RBMS3: variants seen among roughly 807,000 people sequenced by gnomAD.
The protein encoded by RBMS3 is RNA binding motif single stranded interacting protein 3, also known as RNA-binding motif, single-stranded-interacting protein 3.
A neutral mutation model predicts 66.8 loss-of-function variants in RBMS3; 27 were observed. The ratio of observed to expected loss-of-function variants is 0.40; its 90% CI spans 0.30 to 0.56. RBMS3 has a LOEUF of 0.56. RBMS3 is among the 20% of genes least tolerant of loss of function. RBMS3 has a pLI of 0.40. For synonymous variants in RBMS3, 188 were observed against 183.0 expected (o/e 1.03, Z -0.22); for missense variants, 513 against 549.5 (o/e 0.93, Z 0.66).
intron 10 of RBMS3, among the ~76,000 whole-genome samples, chr3:29,921,804 G>T (rs2060787438): frequency 6.6e-6 from 1 of 152,154 alleles, no homozygotes; most frequent in Non-Finnish European, 1.5e-5. Flanking sequence ...GTGTCTACAA[G>T]CCTTCATCAT....
chr3:29,530,676 A>G (rs970383041), intron 3 of RBMS3, among the ~76,000 whole-genome samples: 2 of 149,520 alleles, frequency 1.3e-5, no homozygotes, highest in Admixed American at 6.7e-5. Flanking sequence ...CCTGGCCAAC[A>G]TGGTGAAACG....
intron 5 of RBMS3, among the ~76,000 whole-genome samples, chr3:29,745,823 T>C (rs1428266548): frequency 6.6e-6 from 1 of 152,118 alleles, no homozygotes; most frequent in Admixed American, 6.5e-5. Context: ...TGGGCAGCCC[T>C]GTGTTCTACC....
intron 12 of RBMS3, among the ~76,000 whole-genome samples, chr3:29,983,290 A>G (rs536823570): frequency 1.7e-4 from 20 of 120,712 alleles, no homozygotes; most frequent in East Asian, 2.6e-4. Flanking sequence ...CCATTCCTTT[A>G]TTTTGAGCCT....
chr3:29,605,404 TG>T (rs2048290849), intron 4 of RBMS3, among the ~76,000 whole-genome samples: 1 of 151,872 alleles, frequency 6.6e-6, no homozygotes, highest in Non-Finnish European at 1.5e-5. Context: ...GAAATTCCTT[TG>T]AGTTTTCCAG....
At chr3:29,981,432 G>T (rs1697987693) in intron 12 of RBMS3, among the ~76,000 whole-genome samples, 2 of 152,078 alleles carry the variant, frequency 1.3e-5, no homozygotes, top group African/African-American at 2.4e-5. Flanking sequence ...TCTTTCTCTT[G>T]CCTGATTGAC....
chr3:29,631,172 A>C (rs2049269158), intron 4 of RBMS3, among the ~76,000 whole-genome samples: 1 of 151,988 alleles, frequency 6.6e-6, no homozygotes, highest in Admixed American at 6.6e-5. Flanking sequence ...AAGACAATAA[A>C]TAATACAAAA....
intron 1 of RBMS3, among the ~76,000 whole-genome samples, chr3:29,427,217 AT>A (rs2040993801): frequency 6.6e-6 from 1 of 152,240 alleles, no homozygotes; most frequent in African/African-American, 2.4e-5. Context: ...AATTGAAACA[AT>A]TGTTTACTAT....
At chr3:29,673,504 C>G (rs1272719879) in intron 4 of RBMS3, among the ~76,000 whole-genome samples, 2 of 149,834 alleles carry the variant, frequency 1.3e-5, no homozygotes, top group South Asian at 4.2e-4. Context: ...GATAGACTGA[C>G]AGCAAGACTA....
intron 5 of RBMS3, among the ~76,000 whole-genome samples, chr3:29,740,103 A>G (rs2054570274): frequency 6.6e-6 from 1 of 152,044 alleles, no homozygotes; most frequent in Non-Finnish European, 1.5e-5. Context: ...GAATGTGTTT[A>G]TGTGTCTTGA....
chr3:29,995,308 G>A (rs949499459), intron 14 of RBMS3, among the ~76,000 whole-genome samples: 66 of 152,266 alleles, frequency 4.3e-4, no homozygotes, highest in Non-Finnish European at 7.5e-4. Context: ...TGAAAGTGAT[G>A]GGGAGAATGG....
At chr3:29,457,759 A>G (rs2042240800) in intron 2 of RBMS3, among the ~76,000 whole-genome samples, 1 of 151,950 alleles carries the variant, frequency 6.6e-6, no homozygotes, top group African/African-American at 2.4e-5. Context: ...TGTTATAAAG[A>G]CAATTAAATA....
At chr3:29,356,155 T>C (rs559874090) in intron 1 of RBMS3, among the ~76,000 whole-genome samples, 7 of 152,264 alleles carry the variant, frequency 4.6e-5, no homozygotes, top group African/African-American at 1.7e-4. Flanking sequence ...TCAGTGCAAG[T>C]TGAATTCACA....
chr3:29,468,548 A>T (rs2042615072), intron 2 of RBMS3, among the ~76,000 whole-genome samples: 2 of 152,124 alleles, frequency 1.3e-5, no homozygotes, highest in Non-Finnish European at 2.9e-5. Context: ...TATAATATGT[A>T]ATCTTTGAGA....
chr3:29,883,584 A>G (rs965706889), intron 7 of RBMS3, among the ~76,000 whole-genome samples: 1 of 151,944 alleles, frequency 6.6e-6, no homozygotes, highest in East Asian at 1.9e-4. Flanking sequence ...CTTATTAGCC[A>G]TGTGTTCTAG....
intron 1 of RBMS3, among the ~76,000 whole-genome samples, chr3:29,324,643 C>CCCAGATGCCTTGTAGAGCT (rs1477895013): frequency 0.021 from 3,196 of 152,154 alleles, 121 homozygotes; most frequent in African/African-American, 0.073. Flanking sequence ...CAAGATGTTT[C>CCCAGATGCCTTGTAGAGCT]CCCTGTGCCC....
chr3:29,384,510 T>G (rs2038920514), intron 1 of RBMS3, among the ~76,000 whole-genome samples: 1 of 151,398 alleles, frequency 6.6e-6, no homozygotes, highest in South Asian at 2.1e-4. Flanking sequence ...CTGACATGAT[T>G]TGAAAAAGAG....
chr3:29,786,202 T>C (rs1396138148), intron 6 of RBMS3, among the ~76,000 whole-genome samples: 4 of 150,512 alleles, frequency 2.7e-5, no homozygotes, highest in Non-Finnish European at 5.9e-5. Flanking sequence ...CACAAACAAA[T>C]GGAAATACAT....
intron 3 of RBMS3, among the ~76,000 whole-genome samples, chr3:29,491,803 C>T (rs1174010590): frequency 6.6e-6 from 1 of 152,154 alleles, no homozygotes; most frequent in Non-Finnish European, 1.5e-5. Flanking sequence ...ACCATCCTGG[C>T]TAAAACCGTG....
intron 2 of RBMS3, among the ~76,000 whole-genome samples, chr3:29,443,377 A>C (rs556667476): frequency 6.6e-6 from 1 of 152,142 alleles, no homozygotes; most frequent in Non-Finnish European, 1.5e-5. Context: ...AAGTTTTTCC[A>C]TATAATTTGC....
Sources: allele counts gnomAD v4.1 joint callset (sites outside exome capture counted in the v4.1 genomes callset), GRCh38; gene constraint gnomAD v4.1.1; transcripts MANE v1.5; gene names NCBI Gene and HGNC (gene_info 2026-07-23, HGNC 2026-07-21).